ADAM32: variants seen among roughly 807,000 people sequenced by gnomAD.
The protein encoded by ADAM32 is ADAM metallopeptidase domain 32.
In ADAM32, 89 loss-of-function variants were observed where a neutral mutation model predicts 114.9. The observed-to-expected ratio is 0.77, with a 90% CI of 0.65 to 0.92. ADAM32 has a LOEUF of 0.92. ADAM32 is among the 40% of genes least tolerant of loss of function. ADAM32 has a pLI of 0.00. For missense variants in ADAM32, 870 were observed against 932.8 expected (o/e 0.93, Z 0.88); for synonymous variants, 285 against 307.5 (o/e 0.93, Z 0.77).
rs762916402 is a variant in ADAM32 at position 39,226,772 on chromosome 8, G to A, written c.1525+3534G>A. ...TCTATCTTACAACAAATGTCAATAG[G>A]AGTTCTTCCATGTAAACAAAAAGAC... On this transcript the variant is annotated intron_variant, in intron 14 of 24. Transcript: ENST00000379907. 2.6e-5 allele frequency among the ~76,000 whole-genome samples: 4 copies of A among 152,112 alleles called. No homozygotes were observed. In the East Asian group the frequency reaches 7.7e-4, roughly 29 times the overall value.
chr8:39,264,503 C>T (rs1430197037), intron 19 of ADAM32, among the ~76,000 whole-genome samples: 1 of 151,990 alleles, frequency 6.6e-6, no homozygotes, highest in Non-Finnish European at 1.5e-5. Context: ...AAAAAAGAAA[C>T]TTTCGGTTTT....
Position 39,212,227 on chromosome 8 carries a change from T to C in ADAM32, c.1233+903T>C, listed in dbSNP as rs549457238. ...GACGGTTTCATCACGTTGGTCAGGC[T>C]GGTCTCAAACTCCTGACCTCAAGTA... On this transcript the variant is annotated intron_variant, in intron 12 of 24. Coordinates refer to ENST00000379907, the MANE Select transcript of ADAM32 (RefSeq NM_145004.7). 1.6e-4 allele frequency among the ~76,000 whole-genome samples: 25 copies of C among 152,200 alleles called. 1 individual carries two copies. The South Asian group carries it at 5.0e-3, about 30-fold the overall frequency.
intron 16 of ADAM32, among the ~76,000 whole-genome samples, chr8:39,245,466 A>T (rs958699417): frequency 6.6e-6 from 1 of 152,216 alleles, no homozygotes; most frequent in Non-Finnish European, 1.5e-5. Context: ...AAAATTAAAA[A>T]AAGAAGAAGT....
At chr8:39,201,377 C>G (rs1265790383) in intron 11 of ADAM32, among the ~76,000 whole-genome samples, 1 of 151,886 alleles carries the variant, frequency 6.6e-6, no homozygotes, top group Non-Finnish European at 1.5e-5. Context: ...GCATTTTATT[C>G]TCTTTGAAGC....
chr8:39,130,115 C>T (rs970583231), intron 2 of ADAM32: 3 of 175,906 alleles, frequency 1.7e-5, no homozygotes, highest in Non-Finnish European at 3.7e-5. Flanking sequence ...CTACCATGCT[C>T]ACCTAATTTT....
intron 11 of ADAM32, among the ~76,000 whole-genome samples, chr8:39,201,527 G>T (rs1007543939): frequency 6.6e-6 from 1 of 152,182 alleles, no homozygotes; most frequent in Non-Finnish European, 1.5e-5. Context: ...GAGATTTTGG[G>T]CTGAGACGTT....
intron 22 of ADAM32, among the ~76,000 whole-genome samples, chr8:39,279,205 C>A (rs1198582052): frequency 6.6e-6 from 1 of 152,126 alleles, no homozygotes; most frequent in African/African-American, 2.4e-5. Flanking sequence ...CAATTATTGA[C>A]TCTTTCTCAT....
At chr8:39,164,302 A>G (rs118057153) in intron 7 of ADAM32, among the ~76,000 whole-genome samples, 1 of 152,370 alleles carries the variant, frequency 6.6e-6, no homozygotes, top group East Asian at 1.9e-4. Context: ...GCAGTTCCAT[A>G]TATCAACATT....
At chr8:39,220,359 C>T (rs1489328262) in intron 12 of ADAM32, among the ~76,000 whole-genome samples, 1 of 152,108 alleles carries the variant, frequency 6.6e-6, no homozygotes, top group African/African-American at 2.4e-5. Context: ...CTCTTGAAGA[C>T]AGCAGATGGA....
chr8:39,202,793 A>G (rs1426904157), intron 11 of ADAM32, among the ~76,000 whole-genome samples: 2 of 152,088 alleles, frequency 1.3e-5, no homozygotes, highest in Admixed American at 6.6e-5. Flanking sequence ...CCCTCTACAC[A>G]CTGCTTTGAA....
At chr8:39,154,194 C>A (rs902383395) in intron 6 of ADAM32, among the ~76,000 whole-genome samples, 5 of 151,954 alleles carry the variant, frequency 3.3e-5, no homozygotes, top group Admixed American at 2.6e-4. Context: ...CCCCTACCCC[C>A]CATCTCCCCG....
Position 39,223,076 on chromosome 8 carries a change from C to T in ADAM32, c.1363C>T (p.His455Tyr), listed in dbSNP as rs370420091. The part of the protein sequence containing the change: ...QSGVECRPKA[H>Y]PECDIAENCN... ...AGGCGTTGAATGTAGGCCGAAAGCA[C>T]ATCCTGAATGTGACATCGCTGAAAA... The change falls in exon 14 of 25, where the codon CAT becomes TAT. Residue 455 changes from histidine to tyrosine, a missense_variant. Physicochemically the swap from His to Tyr is moderately conservative, Grantham distance 83 (BLOSUM62 2). Transcript: ENST00000379907. 7.8e-5 allele frequency: 124 copies of T among 1,590,926 alleles called. No individual in the cohort carries two copies. Among genetic ancestry groups the T allele is most frequent in the Non-Finnish European group, 1.0e-4 (118 of 1,169,402 alleles).
chr8:39,151,239 C>A, intron 5 of ADAM32, 138 bp from the exon 6 acceptor site: 2 of 699,016 alleles, frequency 2.9e-6, no homozygotes, highest in Non-Finnish European at 4.4e-6. Context: ...TTTGTCTCTT[C>A]AGAGTCATCT....
In ADAM32 at chr8:39,187,563, G is replaced by A. The variant is rs184510452; in HGVS notation, c.1052+518G>A. On this transcript the variant is annotated intron_variant, in intron 11 of 24. Coordinates refer to ENST00000379907, the MANE Select transcript of ADAM32 (RefSeq NM_145004.7). ...TGGGATTACAGGCGTGAGCCACCGC[G>A]CCCGGCCAGGATCTTTAAAAATATG... Among the ~76,000 whole-genome samples, 1,385 of 152,294 alleles carry A rather than the reference G, an allele frequency of 9.1e-3. 13 individuals are homozygous for A. Among genetic ancestry groups the A allele is most frequent in the Middle Eastern group, 0.031 (9 of 294 alleles).
At chr8:39,277,156 C>T (rs947805450) in intron 22 of ADAM32, among the ~76,000 whole-genome samples, 16 of 152,228 alleles carry the variant, frequency 1.1e-4, no homozygotes, top group Non-Finnish European at 1.9e-4. Flanking sequence ...TATCATCTCT[C>T]ACCCTGAAAC....
At chr8:39,200,127 G>A (rs531991746) in intron 11 of ADAM32, among the ~76,000 whole-genome samples, 1 of 152,236 alleles carries the variant, frequency 6.6e-6, no homozygotes, top group South Asian at 2.1e-4. Context: ...AATCCTTTGG[G>A]TATATACCCA....
intron 2 of ADAM32, among the ~76,000 whole-genome samples, chr8:39,125,381 A>C (rs1032213274): frequency 3.9e-5 from 6 of 151,984 alleles, no homozygotes; most frequent in African/African-American, 1.2e-4. Flanking sequence ...CTGTCCTACT[A>C]TTGTGTTTTG....
At chr8:39,119,563 T>C (rs4513935) in intron 2 of ADAM32, among the ~76,000 whole-genome samples, 35,275 of 152,130 alleles carry the variant, frequency 0.23, 4,755 homozygotes, top group Non-Finnish European at 0.29. Flanking sequence ...TTTAGTTGTT[T>C]ATTTATTTTT....
At chr8:39,209,024 A>G (rs1167767300) in intron 11 of ADAM32, among the ~76,000 whole-genome samples, 2 of 152,136 alleles carry the variant, frequency 1.3e-5, no homozygotes, top group Non-Finnish European at 2.9e-5. Context: ...TGACTCTTAC[A>G]TTTGCTATCT....
Sources: allele counts gnomAD v4.1 joint callset (sites outside exome capture counted in the v4.1 genomes callset), GRCh38; gene constraint gnomAD v4.1.1; transcripts MANE v1.5; gene names NCBI Gene and HGNC (gene_info 2026-07-23, HGNC 2026-07-21).